Variants in ROBO2 observed in about 807,000 individuals in gnomAD.
ROBO2 encodes the protein roundabout homolog 2.
In ROBO2, 53 loss-of-function variants were observed where a neutral mutation model predicts 160.8. That is an observed-to-expected ratio of 0.33 (90% CI 0.26 to 0.41). The LOEUF (loss-of-function observed/expected upper bound fraction) is 0.41, where lower values mean the gene tolerates loss of function less well. ROBO2 is among the 10% of genes least tolerant of loss of function. The pLI is 1.00. For missense variants in ROBO2, 1,577 were observed against 1,722.4 expected (o/e 0.92, Z 1.49); for synonymous variants, 664 against 611.7 (o/e 1.09, Z -1.26).
intron 2 of ROBO2, among the ~76,000 whole-genome samples, chr3:76,643,932 A>T (rs190009708): frequency 6.6e-6 from 1 of 152,352 alleles, no homozygotes; most frequent in Admixed American, 6.5e-5. Flanking sequence ...GATTTATGAA[A>T]GTATTGATTT....
chr3:76,529,937 G>T (rs2082137538), intron 2 of ROBO2, among the ~76,000 whole-genome samples: 1 of 152,144 alleles, frequency 6.6e-6, no homozygotes, highest in Admixed American at 6.6e-5. Flanking sequence ...TGTGATCCCT[G>T]CTTTGGCCTC....
chr3:77,488,949 G>C (rs1222586676), intron 4 of ROBO2, among the ~76,000 whole-genome samples: 1 of 152,158 alleles, frequency 6.6e-6, no homozygotes, highest in Non-Finnish European at 1.5e-5. Flanking sequence ...CAAACCTACA[G>C]TTTTTAACAT....
intron 2 of ROBO2, among the ~76,000 whole-genome samples, chr3:76,193,218 C>T (rs992765931): frequency 5.3e-5 from 8 of 152,126 alleles, no homozygotes; most frequent in African/African-American, 1.9e-4. Context: ...CTTTCCTACT[C>T]CCATGGCACC....
intron 2 of ROBO2, 22 bp downstream of exon 2, chr3:77,098,362 CAT>C: frequency 2.5e-6 from 4 of 1,607,540 alleles, no homozygotes; most frequent in Non-Finnish European, 2.6e-6. Flanking sequence ...TAATGAACCT[CAT>C]GTGCACATTT....
chr3:76,048,453 C>G (rs2107800701), intron 2 of ROBO2, among the ~76,000 whole-genome samples: 3 of 152,110 alleles, frequency 2.0e-5, no homozygotes, highest in Admixed American at 2.0e-4. Context: ...TAGTGATAAG[C>G]CAGAAAAATG....
At chr3:76,340,615 A>G (rs1034621372) in intron 2 of ROBO2, among the ~76,000 whole-genome samples, 3 of 152,202 alleles carry the variant, frequency 2.0e-5, no homozygotes, top group Non-Finnish European at 4.4e-5. Flanking sequence ...TCTAGGTCAC[A>G]AAGCATATTA....
intron 5 of ROBO2, among the ~76,000 whole-genome samples, chr3:77,508,560 T>C (rs1348370258): frequency 1.3e-5 from 2 of 151,426 alleles, no homozygotes; most frequent in African/African-American, 2.4e-5. Context: ...TAAAGTTCTC[T>C]GCATTTTTGG....
intron 2 of ROBO2, among the ~76,000 whole-genome samples, chr3:77,260,330 A>G (rs146126128): frequency 1.7e-3 from 253 of 152,326 alleles, no homozygotes; most frequent in African/African-American, 5.1e-3. Flanking sequence ...CTGGAGTAGC[A>G]TATTGATCTC....
At chr3:77,422,896 A>T (rs1479623786) in intron 2 of ROBO2, among the ~76,000 whole-genome samples, 1 of 152,182 alleles carries the variant, frequency 6.6e-6, no homozygotes, top group East Asian at 1.9e-4. Flanking sequence ...TAGAGATGAT[A>T]TGCCACTGGA....
At chr3:76,779,057 A>G (rs963612099) in intron 2 of ROBO2, among the ~76,000 whole-genome samples, 1 of 150,832 alleles carries the variant, frequency 6.6e-6, no homozygotes, top group African/African-American at 2.4e-5. Flanking sequence ...CATAATCTCT[A>G]CCTCTCATCC....
chr3:76,009,080 C>A (rs2066116930), intron 2 of ROBO2, among the ~76,000 whole-genome samples: 1 of 152,028 alleles, frequency 6.6e-6, no homozygotes, highest in Non-Finnish European at 1.5e-5. Flanking sequence ...TTATAACATA[C>A]TTCACAGGAA....
rs149135269 is a variant in ROBO2 at position 76,993,622 on chromosome 3, G to A, written c.110-104392G>A. 5.8e-3 allele frequency among the ~76,000 whole-genome samples: 881 copies of A among 152,192 alleles called. 6 individuals are homozygous for A. Among genetic ancestry groups the A allele is most frequent in the African/African-American group, 0.019 (801 of 41,522 alleles). On this transcript the variant is annotated intron_variant, in intron 2 of 26. Transcript: ENST00000487694. ...GGTAAGTGTGAATTGTTTAGTTAGC[G>A]TGTTTCCATCCTAACGGCTCTACTC... is the stretch of plus-strand genomic sequence containing the variant.
At chr3:76,104,018 C>A (rs181226513) in intron 2 of ROBO2, among the ~76,000 whole-genome samples, 1 of 152,164 alleles carries the variant, frequency 6.6e-6, no homozygotes. Context: ...TGTAAGGTAT[C>A]TTCTCTACTG....
At chr3:77,061,478 G>A (rs2066297322) in intron 1 of ROBO2, among the ~76,000 whole-genome samples, 1 of 152,138 alleles carries the variant, frequency 6.6e-6, no homozygotes, top group African/African-American at 2.4e-5. Context: ...AGCAAGGGTA[G>A]GCTGGGTTTC....
At chr3:77,040,446 AACTT>A in exon 1 of ROBO2, 1 of 1,082,404 alleles carries the variant, frequency 9.2e-7, no homozygotes, top group Non-Finnish European at 1.1e-6. Flanking sequence ...CTGAAGGAAG[AACTT>A]GGCTTTGGAT....
At chr3:76,745,650 C>A (rs913861073) in intron 2 of ROBO2, among the ~76,000 whole-genome samples, 5 of 152,060 alleles carry the variant, frequency 3.3e-5, no homozygotes, top group African/African-American at 1.2e-4. Flanking sequence ...TAAAGTGTAT[C>A]ATTTTACACC....
At chr3:76,634,676 A>T (rs1280824961) in intron 2 of ROBO2, among the ~76,000 whole-genome samples, 2 of 152,164 alleles carry the variant, frequency 1.3e-5, no homozygotes, top group African/African-American at 4.8e-5. Flanking sequence ...AAACACAGTC[A>T]CACTTAAAAG....
chr3:76,002,426 C>T (rs1042723374), intron 2 of ROBO2, among the ~76,000 whole-genome samples: 4 of 152,098 alleles, frequency 2.6e-5, no homozygotes, highest in East Asian at 1.9e-4. Flanking sequence ...TTGTAGCTCC[C>T]GTAACTCCCA....
chr3:76,453,794 T>C, intron 2 of ROBO2, among the ~76,000 whole-genome samples: 1 of 152,106 alleles, frequency 6.6e-6, no homozygotes, highest in East Asian at 1.9e-4. Context: ...AATCTGTATT[T>C]TGTGATATAT....
Sources: gnomAD v4.1 joint callset for allele counts (sites outside exome capture counted in the v4.1 genomes callset) on GRCh38, gnomAD v4.1.1 for gene constraint, MANE v1.5 for transcripts, NCBI Gene and HGNC (gene_info 2026-07-23, HGNC 2026-07-21) for gene names.